The following ASCC3 variants were observed in gnomAD, a reference collection of about 807,000 sequenced individuals.
The protein encoded by ASCC3 is ASC-1 complex subunit P200.
In ASCC3, 158 loss-of-function variants were observed where a neutral mutation model predicts 256.3. That is an observed-to-expected ratio of 0.62 (90% CI 0.54 to 0.70). The LOEUF (loss-of-function observed/expected upper bound fraction) is 0.70. Among genes scored for constraint, ASCC3 ranks in the 30% least tolerant of loss-of-function variants. The probability of loss-of-function intolerance (pLI) is 0.00; values close to 1 mark genes in which losing one functional copy is unlikely to be tolerated. For synonymous variants in ASCC3, 948 were observed against 883.4 expected (o/e 1.07, Z -1.30); for missense variants, 2,259 against 2,626.0 (o/e 0.86, Z 3.05).
intron 10 of ASCC3, among the ~76,000 whole-genome samples, chr6:100,727,072 A>T (rs1465237690): frequency 2.0e-5 from 3 of 152,096 alleles, no homozygotes; most frequent in Non-Finnish European, 4.4e-5. Flanking sequence ...AAACGTTATT[A>T]TTAAAAACTT....
intron 33 of ASCC3, among the ~76,000 whole-genome samples, chr6:100,604,990 AGG>A (rs1772809812): frequency 6.6e-6 from 1 of 152,096 alleles, no homozygotes; most frequent in Non-Finnish European, 1.5e-5. Context: ...ACTTTGAGAA[AGG>A]GGTAGTGGTT....
intron 36 of ASCC3, among the ~76,000 whole-genome samples, chr6:100,562,663 C>T (rs1770018631): frequency 6.6e-6 from 1 of 151,750 alleles, no homozygotes; most frequent in South Asian, 2.1e-4. Flanking sequence ...GAAAAGTTTT[C>T]TAGTTTTTTT....
chr6:100,608,354 C>T (rs1212373479), intron 30 of ASCC3, among the ~76,000 whole-genome samples: 1 of 93,282 alleles, frequency 1.1e-5, no homozygotes, highest in African/African-American at 4.4e-5. Context: ...TATATATATA[C>T]CTTATATATG....
chr6:100,534,143 C>A (rs2114650316), intron 37 of ASCC3, among the ~76,000 whole-genome samples: 1 of 152,250 alleles, frequency 6.6e-6, no homozygotes, highest in Admixed American at 6.5e-5. Context: ...ACTCAGGAGG[C>A]TGAGGTGGGA....
intron 8 of ASCC3, among the ~76,000 whole-genome samples, chr6:100,794,644 AG>A (rs1769517582): frequency 6.6e-6 from 1 of 152,174 alleles, no homozygotes; most frequent in African/African-American, 2.4e-5. Flanking sequence ...GAATAAGCAC[AG>A]GATTCAAGAA....
chr6:100,737,496 T>C (rs1780235053), intron 10 of ASCC3, among the ~76,000 whole-genome samples: 1 of 152,180 alleles, frequency 6.6e-6, no homozygotes, highest in Admixed American at 6.5e-5. Context: ...TTTCTGTTCC[T>C]GCATTAGGTC....
chr6:100,570,869 C>G (rs1770551747), intron 36 of ASCC3, among the ~76,000 whole-genome samples: 1 of 152,134 alleles, frequency 6.6e-6, no homozygotes, highest in South Asian at 2.1e-4. Context: ...ATCATTAATT[C>G]CTATTGGCTC....
At chr6:100,799,312 T>A in intron 7 of ASCC3, 119 bp downstream of exon 7, 1 of 1,148,284 alleles carries the variant, frequency 8.7e-7, no homozygotes, top group Middle Eastern at 2.0e-4. Context: ...CCCAATACTT[T>A]AAAATAAAAT....
At chr6:100,597,797 C>A (rs1160030051) in intron 34 of ASCC3, among the ~76,000 whole-genome samples, 1 of 86,606 alleles carries the variant, frequency 1.2e-5, no homozygotes, top group Non-Finnish European at 2.3e-5. Context: ...ACAGTGAAAC[C>A]CCGTCTCTAC....
chr6:100,665,804 G>A (rs1239586050), intron 14 of ASCC3, among the ~76,000 whole-genome samples: 1 of 151,666 alleles, frequency 6.6e-6, no homozygotes, highest in African/African-American at 2.4e-5. Flanking sequence ...GCCCAGGGAT[G>A]TTCCTCATGT....
chr6:100,625,446 T>A, intron 29 of ASCC3, 112 bp from the exon 30 acceptor site: 5 of 1,277,426 alleles, frequency 3.9e-6, no homozygotes, highest in Non-Finnish European at 4.5e-6. Context: ...AATTTAGGCA[T>A]GAAATGTGGC....
intron 39 of ASCC3, among the ~76,000 whole-genome samples, chr6:100,515,892 T>C (rs1773999764): frequency 6.6e-6 from 1 of 152,174 alleles, no homozygotes; most frequent in Admixed American, 6.5e-5. Flanking sequence ...ATAATGCCAA[T>C]ACCACTATTA....
chr6:100,583,495 T>G (rs1375647733), intron 36 of ASCC3, among the ~76,000 whole-genome samples: 1 of 152,216 alleles, frequency 6.6e-6, no homozygotes, highest in Non-Finnish European at 1.5e-5. Context: ...TTTATTAGTC[T>G]TGCTAGTGGT....
intron 4 of ASCC3, among the ~76,000 whole-genome samples, chr6:100,840,488 CTT>C (rs67554743): frequency 4.6e-5 from 5 of 109,238 alleles, no homozygotes; most frequent in South Asian, 3.6e-4. Context: ...CCACGCCAGG[CTT>C]TTTTTTTTTT....
At chr6:100,861,610 T>C (rs1222699751) in intron 3 of ASCC3, among the ~76,000 whole-genome samples, 2 of 152,142 alleles carry the variant, frequency 1.3e-5, no homozygotes, top group African/African-American at 2.4e-5. Flanking sequence ...CTAAACCTAA[T>C]AGTTATTCAA....
chr6:100,631,098 C>G, intron 26 of ASCC3, 30 bp downstream of exon 26: 2 of 1,479,050 alleles, frequency 1.4e-6, no homozygotes, highest in Non-Finnish European at 1.9e-6. Context: ...CAATTCAAAG[C>G]GTATCTTTTG....
chr6:100,815,917 C>A (rs1179142843), intron 4 of ASCC3, among the ~76,000 whole-genome samples: 2 of 151,982 alleles, frequency 1.3e-5, no homozygotes, highest in African/African-American at 4.8e-5. Flanking sequence ...TAAATGGGAT[C>A]TAATTAAAAG....
intron 13 of ASCC3, among the ~76,000 whole-genome samples, chr6:100,710,466 A>G (rs183357813): frequency 1.9e-4 from 29 of 152,282 alleles, no homozygotes; most frequent in Admixed American, 7.8e-4. Context: ...ATCAGAATTT[A>G]CCATAGTAAG....
intron 10 of ASCC3, among the ~76,000 whole-genome samples, chr6:100,758,159 A>T (rs1781270488): frequency 6.6e-6 from 1 of 152,158 alleles, no homozygotes; most frequent in Admixed American, 6.5e-5. Context: ...GGAAAATATC[A>T]ACTCAAATGA....
Sources: gnomAD v4.1 joint callset for allele counts (sites outside exome capture counted in the v4.1 genomes callset) on GRCh38, gnomAD v4.1.1 for gene constraint, MANE v1.5 for transcripts, NCBI Gene and HGNC (gene_info 2026-07-23, HGNC 2026-07-21) for gene names.